The following ERCC6L2 variants were observed in gnomAD, a reference collection of about 807,000 sequenced individuals.
ERCC6L2 encodes the protein DNA excision repair protein ERCC-6-like 2.
In ERCC6L2, 77 loss-of-function variants were observed where a neutral mutation model predicts 132.0. That is an observed-to-expected ratio of 0.58 (90% CI 0.49 to 0.71). ERCC6L2 has a LOEUF of 0.71. ERCC6L2 is among the 30% of genes least tolerant of loss of function. ERCC6L2 has a pLI of 0.00. For missense variants in ERCC6L2, 1,542 were observed against 1,837.6 expected (o/e 0.84, Z 2.94); for synonymous variants, 583 against 632.4 (o/e 0.92, Z 1.17).
chr9:95,985,525 G>C lies in ERCC6L2; in HGVS notation c.3492+7310G>C, dbSNP rs139509416. On this transcript the variant is annotated intron_variant, in intron 17 of 18. Transcript: ENST00000653738. Reference sequence around the variant, plus strand: ...CATTGTCATTATATGTCATCTGTTGGCCATAATGCTGGTATAGGAAATCCA... The same window carrying C: ...CATTGTCATTATATGTCATCTGTTGCCCATAATGCTGGTATAGGAAATCCA... Among the ~76,000 whole-genome samples the C allele has an allele frequency of 2.0e-3, 300 of 152,272 alleles. 1 individual carries two copies. Among genetic ancestry groups the C allele is most frequent in the Middle Eastern group, 0.014 (4 of 294 alleles).
At position 95,975,139 on chromosome 9, in the gene ERCC6L2, A is replaced by C. The variant is rs2133094014; in HGVS notation, c.3337+2051A>C. ...TTAAAAATGGATATACTATGTCTTCATTGTCAAAGATACATTGCATTGTAT... is the reference window on the plus strand; with the variant it reads ...TTAAAAATGGATATACTATGTCTTCCTTGTCAAAGATACATTGCATTGTAT... On this transcript the variant is annotated intron_variant, in intron 16 of 18. Coordinates refer to ENST00000653738, the MANE Select transcript of ERCC6L2 (RefSeq NM_020207.7). Among the ~76,000 whole-genome samples the C allele has an allele frequency of 1.3e-5, 2 of 152,174 alleles. 1 individual carries two copies. The highest frequency in any genetic ancestry group is 2.9e-5 in the Non-Finnish European group (2 of 67,988).
At chr9:95,956,833 G>A (rs536224407) in intron 13 of ERCC6L2, among the ~76,000 whole-genome samples, 2 of 152,256 alleles carry the variant, frequency 1.3e-5, no homozygotes, top group Non-Finnish European at 2.9e-5. Flanking sequence ...TAAAATTCGG[G>A]TAGGGACACA....
intron 17 of ERCC6L2, among the ~76,000 whole-genome samples, chr9:95,994,714 C>T (rs1219625153): frequency 6.6e-5 from 10 of 152,156 alleles, no homozygotes. Context: ...TCCAGGAATT[C>T]GCCCAAAGAG....
At chr9:95,933,313 C>G (rs1270421873) in intron 11 of ERCC6L2, among the ~76,000 whole-genome samples, 1 of 152,170 alleles carries the variant, frequency 6.6e-6, no homozygotes, top group African/African-American at 2.4e-5. Context: ...CTAATACTTT[C>G]TCCCTATCCC....
At chr9:95,952,166 T>TAA (rs57310402) in intron 12 of ERCC6L2, among the ~76,000 whole-genome samples, 4 of 57,716 alleles carry the variant, frequency 6.9e-5, no homozygotes, top group South Asian at 8.0e-4. Context: ...GACTCCATCT[T>TAA]AAAAAAAAAA....
chr9:95,954,365 T>C (rs1344898612), intron 12 of ERCC6L2, among the ~76,000 whole-genome samples: 1 of 152,220 alleles, frequency 6.6e-6, no homozygotes, highest in African/African-American at 2.4e-5. Context: ...TGTACTGTGC[T>C]TTGGTATTCA....
At chr9:95,994,480 C>T (rs897385005) in intron 17 of ERCC6L2, among the ~76,000 whole-genome samples, 1 of 152,156 alleles carries the variant, frequency 6.6e-6, no homozygotes, top group African/African-American at 2.4e-5. Context: ...GTTCTGTTTG[C>T]TCCGTGAGGT....
chr9:95,937,755 C>T (rs369066433), intron 11 of ERCC6L2, among the ~76,000 whole-genome samples: 7 of 151,734 alleles, frequency 4.6e-5, no homozygotes, highest in Middle Eastern at 3.4e-3. Context: ...AGTTTAGCAA[C>T]GAATCAGCTT....
chr9:96,017,476 GA>G lies in ERCC6L2; in HGVS notation c.*4274del, dbSNP rs1382887148. Among the ~76,000 whole-genome samples, 3 of 152,176 alleles carry G rather than the reference GA, an allele frequency of 2.0e-5. No individual in the cohort carries two copies. The highest frequency in any genetic ancestry group is 4.4e-5 in the Non-Finnish European group (3 of 68,030). On this transcript the variant is annotated 3_prime_UTR_variant, in exon 19 of 19. Transcript: ENST00000653738. The stretch of plus-strand genomic sequence containing the variant: ...AGGGTAGCAAGTCAGAACCTCCGGA[GA>G]GGCTTTTAAGCATGCACATGTCCAG...
downstream of ERCC6L2, chr9:96,020,191 T>A (rs1281962925): frequency 5.2e-5 from 8 of 154,432 alleles, no homozygotes; most frequent in Non-Finnish European, 4.3e-5. Context: ...AAAAAAAAAA[T>A]CTTGTGAACT....
chr9:95,881,344 G>A (rs750062366), intron 2 of ERCC6L2, 51 bp downstream of exon 2: 10 of 1,329,368 alleles, frequency 7.5e-6, no homozygotes, highest in Non-Finnish European at 1.0e-5. Context: ...TACATGAGTG[G>A]ATACTATATG....
At chr9:96,026,800 C>CT (rs1834375771) in intron 19 of ERCC6L2, among the ~76,000 whole-genome samples, 1 of 139,820 alleles carries the variant, frequency 7.2e-6, no homozygotes, top group African/African-American at 2.7e-5. Flanking sequence ...ACCCCACACA[C>CT]ATACCACAAC....
chr9:96,020,588 C>T, downstream of ERCC6L2: 1 of 364,102 alleles, frequency 2.7e-6, no homozygotes, highest in South Asian at 2.1e-5. Context: ...AAGCAGGTCT[C>T]AAGAAGCTTA....
chr9:95,916,250 G>C lies in ERCC6L2; in HGVS notation c.974G>C (p.Ser325Thr), dbSNP rs750848886. 6.2e-7 allele frequency: 1 copy of C among 1,614,142 alleles called. No homozygotes were observed. The highest frequency in any genetic ancestry group is 8.5e-7 in the Non-Finnish European group (1 of 1,180,002). Reference protein sequence around the residue: ...MDWAVPGLLGSGTYFKKQFSD... With the variant: ...MDWAVPGLLGTGTYFKKQFSD... ...AGGGCTGTGCCAGGCCTTTTAGGGA[G>C]TGGGACCTACTTCAAGAAGCAGTTT... Residue 325 changes from serine to threonine, a missense_variant, in exon 6 of 19, where the codon AGT becomes ACT. By Grantham distance (58) the Ser-to-Thr change is moderately conservative. Coordinates refer to ENST00000653738, the MANE Select transcript of ERCC6L2 (RefSeq NM_020207.7).
chr9:96,039,828 G>A (rs1834558546), intron 20 of ERCC6L2, among the ~76,000 whole-genome samples: 1 of 152,158 alleles, frequency 6.6e-6, no homozygotes, highest in Admixed American at 6.5e-5. Flanking sequence ...GGCCAAGACA[G>A]AGCAGGCTAC....
At chr9:95,879,496 T>G (rs1419996558) in intron 1 of ERCC6L2, among the ~76,000 whole-genome samples, 1 of 152,144 alleles carries the variant, frequency 6.6e-6, no homozygotes, top group Non-Finnish European at 1.5e-5. Flanking sequence ...AAGGTGCAAA[T>G]AGTACTGTTA....
At chr9:95,907,426 A>G (rs1307569878) in intron 4 of ERCC6L2, among the ~76,000 whole-genome samples, 155 bp downstream of exon 4, 1 of 148,892 alleles carries the variant, frequency 6.7e-6, no homozygotes, top group East Asian at 2.0e-4. Context: ...GCTGGTCTCG[A>G]ACTCCTGAGC....
Position 95,916,396 on chromosome 9 carries a change from ACT to A in ERCC6L2, c.1123_1124del (p.Leu375TyrfsTer7). 4 of 1,596,098 alleles carry A rather than the reference ACT, an allele frequency of 2.5e-6. No homozygotes were observed. Among genetic ancestry groups the A allele is most frequent in the Non-Finnish European group, 3.4e-6 (4 of 1,174,566 alleles). ...TGGCTGGTTTCTCAGGCGCACCAAG[ACT>A]CTTATCAAGGATCAGTTGCCTAAGA... is the stretch of plus-strand genomic sequence containing the variant. ...MSGWFLRRTK[T>X]LIKDQLPKKE... On this transcript the variant is annotated frameshift_variant, in exon 6 of 19. Coordinates refer to ENST00000653738, the MANE Select transcript of ERCC6L2 (RefSeq NM_020207.7). LOFTEE classifies it high-confidence loss of function.
chr9:95,946,147 A>G (rs138206555), intron 12 of ERCC6L2, among the ~76,000 whole-genome samples: 12 of 152,360 alleles, frequency 7.9e-5, no homozygotes, highest in Non-Finnish European at 1.3e-4. Context: ...TGTAATAGTC[A>G]CTACATAACA....
Sources: gnomAD v4.1 joint callset for allele counts (sites outside exome capture counted in the v4.1 genomes callset) on GRCh38, gnomAD v4.1.1 for gene constraint, MANE v1.5 for transcripts, NCBI Gene and HGNC (gene_info 2026-07-23, HGNC 2026-07-21) for gene names.